The following PCBP3 variants were observed in gnomAD, a reference collection of about 807,000 sequenced individuals.
The protein encoded by PCBP3 is poly(rC) binding protein 3, also known as poly(rC)-binding protein 3.
In PCBP3, 25 loss-of-function variants were observed where a neutral mutation model predicts 52.7. That is an observed-to-expected ratio of 0.47 (90% CI 0.35 to 0.66). The LOEUF is 0.66. Ranked by LOEUF, PCBP3 falls within the 30% of genes least tolerant of loss-of-function variation. PCBP3 has a pLI of 0.01. For missense variants in PCBP3, 391 were observed against 490.3 expected, an observed-to-expected ratio of 0.80 and a Z score of 1.91; for synonymous variants, 162 against 183.0, an observed-to-expected ratio of 0.89 and a Z score of 0.93.
At position 45,724,843 on chromosome 21, in the gene PCBP3, A is replaced by G. The variant is rs1231331347; in HGVS notation, c.-199-10549A>G. Among the ~76,000 whole-genome samples, 1 of 152,052 alleles carries G rather than the reference A, an allele frequency of 6.6e-6. No homozygotes were observed. Among genetic ancestry groups the G allele is most frequent in the Admixed American group, 6.6e-5 (1 of 15,248 alleles). ...AGAAAGTGGGTGGCAGGAGGACAGG[A>G]CGGCCTCTCTGTGAGGGAGGCACTG... is the stretch of plus-strand genomic sequence containing the variant. On this transcript the variant is annotated intron_variant, in intron 2 of 17. Coordinates refer to ENST00000681687, the MANE Select transcript of PCBP3 (RefSeq NM_001384156.1). This position sits in a 1 kb window ranked among gnomAD's most constrained non-coding sequence, Gnocchi z 5.3.
At chr21:45,858,383 G>A (rs1003085707) in intron 5 of PCBP3, 2 of 152,340 alleles carry the variant, frequency 1.3e-5, no homozygotes, top group Non-Finnish European at 2.9e-5. Context: ...TCTCGGGCTG[G>A]GCGGAGGAGG....
intron 4 of PCBP3, among the ~76,000 whole-genome samples, chr21:45,816,271 T>A (rs1339179805): frequency 6.6e-6 from 1 of 152,130 alleles, no homozygotes; most frequent in Non-Finnish European, 1.5e-5. Context: ...AAATTAACCT[T>A]AGCTTACTCT....
intron 5 of PCBP3, chr21:45,894,128 C>G (rs2095758467): frequency 1.5e-6 from 1 of 685,200 alleles, no homozygotes; most frequent in African/African-American, 1.9e-5. Context: ...TCCTCTGGGG[C>G]TCTGGGCACT....
At chr21:45,740,911 C>A (rs974775646) in intron 3 of PCBP3, among the ~76,000 whole-genome samples, 1 of 152,166 alleles carries the variant, frequency 6.6e-6, no homozygotes, top group Non-Finnish European at 1.5e-5. Flanking sequence ...ATACGGTTGA[C>A]ATAGGAAAGC....
At chr21:45,869,687 G>T (rs1037687996) in intron 5 of PCBP3, among the ~76,000 whole-genome samples, 5 of 152,234 alleles carry the variant, frequency 3.3e-5, no homozygotes, top group African/African-American at 1.2e-4. Flanking sequence ...GGAGATGGGT[G>T]TGGAGACCTC....
rs1409032090 is a variant in PCBP3, at chr21:45,904,422, CTG to C, written c.339+3312_339+3313del. Among the ~76,000 whole-genome samples the C allele has an allele frequency of 6.6e-6, 1 of 152,044 alleles. No homozygotes were observed. Among genetic ancestry groups the C allele is most frequent in the Admixed American group, 6.6e-5 (1 of 15,258 alleles). The stretch of plus-strand genomic sequence containing the variant: ...TTGGTCCTTTGGTTTTTCCAGAAGA[CTG>C]TGGATGCTCAGGAAGCTCGAGGGAT... On this transcript the variant is annotated intron_variant, in intron 9 of 17. Coordinates refer to ENST00000681687, the MANE Select transcript of PCBP3 (RefSeq NM_001384156.1). The surrounding 1 kb of genome is among the most constrained non-coding windows in gnomAD (Gnocchi z 4.8).
rs1465241560 is a variant in PCBP3, at chr21:45,656,435, T to C, written c.-278-12439T>C. ...GCATGTTCTCACTCATAAGTGGGAG[T>C]TGAACAATGAGAACACATGGACACA... On this transcript the variant is annotated intron_variant, in intron 1 of 17. Coordinates refer to ENST00000681687, the MANE Select transcript of PCBP3 (RefSeq NM_001384156.1). The surrounding 1 kb of genome is among the most constrained non-coding windows in gnomAD (Gnocchi z 4.3). 6.6e-6 allele frequency among the ~76,000 whole-genome samples: 1 copy of C among 151,136 alleles called. No individual in the cohort carries two copies. Among genetic ancestry groups the C allele is most frequent in the Non-Finnish European group, 1.5e-5 (1 of 67,782 alleles).
chr21:45,810,440 T>A (rs2092654022), intron 4 of PCBP3, among the ~76,000 whole-genome samples: 1 of 151,852 alleles, frequency 6.6e-6, no homozygotes, highest in African/African-American at 2.4e-5. Context: ...TTTTTTTTTT[T>A]TTTAATAGAG....
chr21:45,704,117 A>G lies in PCBP3; in HGVS notation c.-199-31275A>G, dbSNP rs1569134266. On this transcript the variant is annotated intron_variant, in intron 2 of 17. Coordinates refer to ENST00000681687, the MANE Select transcript of PCBP3 (RefSeq NM_001384156.1). This position sits in a 1 kb window ranked among gnomAD's most constrained non-coding sequence, Gnocchi z 4.1. ...CAGAAGGGAAGACACGTTTATCTTG[A>G]GTTGGGAAGAACAAACTGGTCAGCT... 2.6e-5 allele frequency among the ~76,000 whole-genome samples: 4 copies of G among 152,238 alleles called. No individual in the cohort carries two copies. Among genetic ancestry groups the G allele is most frequent in the Admixed American group, 2.6e-4 (4 of 15,302 alleles).
At chr21:45,819,612 C>G (rs1480429783) in intron 4 of PCBP3, among the ~76,000 whole-genome samples, 2 of 152,262 alleles carry the variant, frequency 1.3e-5, no homozygotes, top group East Asian at 1.9e-4. Flanking sequence ...CCACGCAGCC[C>G]TGAAGTCCTT....
rs2096379207 is a variant in PCBP3 at position 45,911,047 on chromosome 21, A to G, written c.600+17A>G. On this transcript the variant is annotated intron_variant, in intron 11 of 17. Transcript: ENST00000681687. ...ATGCTGGAGGTACCGTCTGCGCGCC[A>G]GGGCCAGCCCACGTCAGTGCTGGAT... 1.2e-5 allele frequency: 19 copies of G among 1,606,562 alleles called. No homozygotes were observed. Among genetic ancestry groups the G allele is most frequent in the Non-Finnish European group, 1.6e-5 (19 of 1,179,784 alleles).
At chr21:45,757,938 G>A (rs1391788627) in intron 4 of PCBP3, among the ~76,000 whole-genome samples, 5 of 151,180 alleles carry the variant, frequency 3.3e-5, no homozygotes, top group African/African-American at 7.3e-5. Context: ...CCAAGCTGAG[G>A]TACAGTGGTG....
intron 3 of PCBP3, among the ~76,000 whole-genome samples, chr21:45,745,994 G>A (rs2086814001): frequency 6.6e-6 from 1 of 150,710 alleles, no homozygotes; most frequent in Non-Finnish European, 1.5e-5. Context: ...AGCGCACACG[G>A]TGTTGTGTCA....
intron 4 of PCBP3, among the ~76,000 whole-genome samples, chr21:45,835,646 C>T (rs375393015): frequency 2.0e-5 from 3 of 152,240 alleles, no homozygotes; most frequent in East Asian, 3.9e-4. Flanking sequence ...GTGAGGAAGA[C>T]AGAGCCTGGG....
intron 9 of PCBP3, among the ~76,000 whole-genome samples, chr21:45,906,264 C>A (rs1056690730): frequency 6.6e-6 from 1 of 152,082 alleles, no homozygotes; most frequent in African/African-American, 2.4e-5. Flanking sequence ...GTTCAGTACC[C>A]CTAGGAAGTA....
intron 5 of PCBP3, chr21:45,858,332 TA>T (rs1431764466): frequency 6.6e-6 from 1 of 152,150 alleles, no homozygotes; most frequent in East Asian, 1.9e-4. Flanking sequence ...GCATTTCCCA[TA>T]AGGTGAAGTA....
chr21:45,716,613 A>G (rs1380522322), intron 2 of PCBP3, among the ~76,000 whole-genome samples: 1 of 152,112 alleles, frequency 6.6e-6, no homozygotes, highest in Non-Finnish European at 1.5e-5. Flanking sequence ...CCCCACCCTT[A>G]TGATCTCATT....
chr21:45,874,124 G>A (rs758104402), intron 5 of PCBP3, among the ~76,000 whole-genome samples: 5 of 152,184 alleles, frequency 3.3e-5, no homozygotes, highest in South Asian at 2.1e-4. Context: ...CACCGCGCCC[G>A]GCCCGCTTGT....
intron 4 of PCBP3, among the ~76,000 whole-genome samples, chr21:45,783,649 G>C (rs1266375639): frequency 6.6e-6 from 1 of 152,242 alleles, no homozygotes; most frequent in African/African-American, 2.4e-5. Context: ...TAGCCATGGT[G>C]ATGGAGGAGG....
Sources: allele counts gnomAD v4.1 joint callset (sites outside exome capture counted in the v4.1 genomes callset), GRCh38; gene constraint gnomAD v4.1.1; non-coding constraint Gnocchi (gnomAD v3.1); transcripts MANE v1.5; gene names NCBI Gene and HGNC (gene_info 2026-07-23, HGNC 2026-07-21).